Variants in IFT56 observed in about 807,000 individuals in gnomAD.
The protein encoded by IFT56 is intraflagellar transport protein 56.
the IFT56 span, chr7:139,190,225 TTTG>T: frequency 0.26 from 37,628 of 145,298 alleles, 6,495 homozygotes; most frequent in East Asian, 0.58. Context: ...AACATCAGTT[TTTG>T]TTGTTGTTGT....
the IFT56 span, chr7:139,134,781 A>T: frequency 6.2e-7 from 1 of 1,613,440 alleles, no homozygotes; most frequent in African/African-American, 1.3e-5. Context: ...TGGAGCTATT[A>T]CCCTGTTGGA....
the IFT56 span, among the ~76,000 whole-genome samples, chr7:139,142,703 A>C: frequency 6.6e-6 from 1 of 152,158 alleles, no homozygotes; most frequent in South Asian, 2.1e-4. Flanking sequence ...TTGGTGGCAC[A>C]CCCCTTTAAT....
the IFT56 span, among the ~76,000 whole-genome samples, chr7:139,187,064 G>A: frequency 7.3e-6 from 1 of 136,070 alleles, no homozygotes; most frequent in Non-Finnish European, 1.5e-5. Flanking sequence ...ACTGCAGTCC[G>A]CAGTCCGGCC....
At chr7:139,140,964 TTA>T in the IFT56 span, among the ~76,000 whole-genome samples, 2 of 149,676 alleles carry the variant, frequency 1.3e-5, no homozygotes, top group African/African-American at 2.5e-5. Flanking sequence ...TTTTTTTTTT[TTA>T]AAAGACAGGG....
At chr7:139,152,048 T>C in the IFT56 span, among the ~76,000 whole-genome samples, 9 of 152,058 alleles carry the variant, frequency 5.9e-5, no homozygotes, top group Non-Finnish European at 7.4e-5. Flanking sequence ...GCACAAAGAG[T>C]GAGACTCCAT....
chr7:139,173,789 C>T, the IFT56 span: 1 of 747,350 alleles, frequency 1.3e-6, no homozygotes, highest in South Asian at 1.4e-5. Flanking sequence ...GTTTCACTAA[C>T]CATTTCCTCC....
chr7:139,139,363 A>G, the IFT56 span, among the ~76,000 whole-genome samples: 1 of 152,196 alleles, frequency 6.6e-6, no homozygotes, highest in African/African-American at 2.4e-5. Flanking sequence ...CCTGGGAAAG[A>G]CTGATAAAAA....
chr7:139,152,914 G>A, the IFT56 span, among the ~76,000 whole-genome samples: 1 of 152,064 alleles, frequency 6.6e-6, no homozygotes, highest in Non-Finnish European at 1.5e-5. Flanking sequence ...TTTGGGAGGC[G>A]GAGGCGGGCG....
the IFT56 span, chr7:139,174,193 C>T: frequency 1.7e-6 from 1 of 593,278 alleles, no homozygotes; most frequent in Non-Finnish European, 3.3e-6. Context: ...GCTTCTGTTC[C>T]AGCCATTAAA....
chr7:139,149,109 T>C, the IFT56 span, among the ~76,000 whole-genome samples: 1 of 151,626 alleles, frequency 6.6e-6, no homozygotes, highest in East Asian at 2.0e-4. Context: ...ATCGAGACCA[T>C]CCTGGCTAAC....
chr7:139,186,156 G>A, the IFT56 span, among the ~76,000 whole-genome samples: 5,797 of 152,186 alleles, frequency 0.038, 212 homozygotes, highest in South Asian at 0.12. Context: ...GGCCAGGCGC[G>A]GTGGCTCAAG....
At chr7:139,155,389 T>A in the IFT56 span, among the ~76,000 whole-genome samples, 1 of 152,184 alleles carries the variant, frequency 6.6e-6, no homozygotes, top group African/African-American at 2.4e-5. Context: ...TTGTTCCTGA[T>A]CGTAGGTGGA....
chr7:139,155,250 T>A, the IFT56 span, among the ~76,000 whole-genome samples: 2 of 152,144 alleles, frequency 1.3e-5, no homozygotes, highest in Non-Finnish European at 2.9e-5. Context: ...ATTATGTTTG[T>A]GAATCAGGAT....
chr7:139,139,544 A>C, the IFT56 span, among the ~76,000 whole-genome samples: 1 of 152,374 alleles, frequency 6.6e-6, no homozygotes, highest in African/African-American at 2.4e-5. Flanking sequence ...TTTTAAGTTA[A>C]CTGAACGTGT....
At chr7:139,178,306 A>G in the IFT56 span, 1 of 1,607,226 alleles carries the variant, frequency 6.2e-7, no homozygotes, top group Non-Finnish European at 8.5e-7. Context: ...ATTTAAGGTC[A>G]GTATAGAATT....
the IFT56 span, among the ~76,000 whole-genome samples, chr7:139,156,975 T>G: frequency 6.6e-6 from 1 of 152,184 alleles, no homozygotes; most frequent in African/African-American, 2.4e-5. Context: ...CAGTATGAAT[T>G]CTAAAACAAG....
At chr7:139,174,293 G>T in the IFT56 span, 5 of 565,142 alleles carry the variant, frequency 8.8e-6, no homozygotes, top group Non-Finnish European at 1.4e-5. Flanking sequence ...GGCGTCCCAC[G>T]GGAGCCCACC....
the IFT56 span, among the ~76,000 whole-genome samples, chr7:139,140,393 A>C: frequency 3.3e-5 from 5 of 152,210 alleles, no homozygotes; most frequent in Admixed American, 3.3e-4. Context: ...AGTTTGAAGA[A>C]TCCAGAAATC....
the IFT56 span, among the ~76,000 whole-genome samples, chr7:139,172,319 A>G: frequency 1.3e-5 from 2 of 152,184 alleles, no homozygotes; most frequent in African/African-American, 2.4e-5. Flanking sequence ...TCAGAGCACT[A>G]TAGGCACCCA....
Sources: allele counts gnomAD v4.1 joint callset (sites outside exome capture counted in the v4.1 genomes callset), GRCh38; gene constraint gnomAD v4.1.1; transcripts MANE v1.5; gene names NCBI Gene and HGNC (gene_info 2026-07-23, HGNC 2026-07-21).